The following MEGF8 variants were observed in gnomAD, a reference collection of about 807,000 sequenced individuals.
The protein encoded by MEGF8 is multiple epidermal growth factor-like domains protein 8.
MEGF8 carries 156 observed loss-of-function variants against 302.9 expected under a neutral mutation model. The observed-to-expected ratio is 0.52, with a 90% confidence interval of 0.45 to 0.59. The LOEUF (loss-of-function observed/expected upper bound fraction) is 0.59, where lower values mean the gene tolerates loss of function less well. Among genes scored for constraint, MEGF8 ranks in the 20% least tolerant of loss-of-function variants. The pLI is 0.00. For missense variants in MEGF8, 3,345 were observed against 3,964.5 expected (o/e 0.84, Z 4.20); for synonymous variants, 1,621 against 1,660.5 (o/e 0.98, Z 0.58).
At chr19:42,347,632 A>G (rs2039309941) in intron 12 of MEGF8, among the ~76,000 whole-genome samples, 1 of 152,094 alleles carries the variant, frequency 6.6e-6, no homozygotes, top group South Asian at 2.1e-4. Context: ...AGCTGGGATT[A>G]CAAGTGCACG....
At chr19:42,360,298 T>G (rs1046424930) in intron 31 of MEGF8, among the ~76,000 whole-genome samples, 6 of 152,008 alleles carry the variant, frequency 3.9e-5, no homozygotes, top group Non-Finnish European at 8.8e-5. Context: ...CCCTCTCTTT[T>G]TTTTTGCTTG....
At chr19:42,350,707 C>T (rs1348292054) in intron 15 of MEGF8, among the ~76,000 whole-genome samples, 1 of 152,188 alleles carries the variant, frequency 6.6e-6, no homozygotes, top group African/African-American at 2.4e-5. Flanking sequence ...CGACACCCTG[C>T]TTCCTCTTGT....
chr19:42,356,823 G>T lies in MEGF8; in HGVS notation c.4672G>T (p.Asp1558Tyr). ...GACACAGATGCTGGCGGGAGCCGAG[G>T]ACGGGGGCCCAGGCCCATCGCCCCG... ...RWTQMLAGAE[D>Y]GGPGPSPRSF... The change falls in exon 27 of 42, where the codon GAC becomes TAC. Residue 1558 changes from aspartate (D) to tyrosine (Y), a missense_variant. Transcript: ENST00000251268. The surrounding 1 kb of genome is among the most constrained non-coding windows in gnomAD (Gnocchi z 5.2). 1 of 1,559,544 alleles carries T rather than the reference G, an allele frequency of 6.4e-7. No homozygotes were observed. The highest frequency in any genetic ancestry group is 1.2e-5 in the South Asian group (1 of 84,724).
intron 13 of MEGF8, 81 bp from the exon 14 acceptor site, chr19:42,349,418 G>A: frequency 7.9e-7 from 1 of 1,268,630 alleles, no homozygotes; most frequent in South Asian, 1.4e-5. Flanking sequence ...GGGGTACAGG[G>A]TGGGTTTGGA....
In MEGF8 at chr19:42,354,650, G is replaced by A. The variant is rs372557198; in HGVS notation, c.4074G>A (p.Ser1358=). 133 of 1,612,536 alleles carry A rather than the reference G, an allele frequency of 8.2e-5. No homozygotes were observed. The highest frequency in any genetic ancestry group is 1.6e-4 in the Middle Eastern group (1 of 6,082). Residue 1358 remains serine, a synonymous_variant, in exon 23 of 42, where the codon TCG becomes TCA. Transcript: ENST00000251268. This position sits in a 1 kb window ranked among gnomAD's most constrained non-coding sequence, Gnocchi z 4.3. ...TCCTGGACACTGGTGTTGTCCAGTC[G>A]GACCGCAGCCTCATAGCTGCCTTCT... is the stretch of plus-strand genomic sequence containing the variant. ...PRFLDTGVVQ[S]DRSLIAAFCG... is the part of the protein sequence containing the mutation.
Position 42,358,699 on chromosome 19 carries a change from A to G in MEGF8, c.5176-88A>G, listed in dbSNP as rs2039487460. 2.1e-6 allele frequency: 3 copies of G among 1,424,506 alleles called. No homozygotes were observed. The highest frequency in any genetic ancestry group is 2.8e-6 in the Non-Finnish European group (3 of 1,075,916). The allele number at this position is 1,424,506 out of a possible 1,614,324, so 88.2% of individuals were successfully genotyped here. A position where few individuals can be genotyped will look rare whatever the true frequency, so the allele number is the denominator to read the frequency against. On this transcript the variant is annotated intron_variant, in intron 29 of 41. Transcript: ENST00000251268. The surrounding 1 kb of genome is among the most constrained non-coding windows in gnomAD (Gnocchi z 4.4). ...TTAGAGAGGCTGGTGGTTTCAGTCC[A>G]CACGTTTCCAAGCCCGTCTTGGAGG...
chr19:42,367,801 G>A (rs75099312), intron 35 of MEGF8, among the ~76,000 whole-genome samples: 2 of 152,196 alleles, frequency 1.3e-5, no homozygotes, highest in Admixed American at 1.3e-4. Flanking sequence ...TTTAGGGCAC[G>A]TGGTTCTCAT....
chr19:42,362,990 G>A (rs1202947917), intron 34 of MEGF8, 58 bp from the exon 35 acceptor site: 32 of 1,455,454 alleles, frequency 2.2e-5, no homozygotes, highest in Non-Finnish European at 2.9e-5. Context: ...TGAGGGAGGA[G>A]GGGCTGGGCT....
chr19:42,350,059 TG>T, intron 14 of MEGF8, 88 bp from the exon 15 acceptor site: 2 of 1,064,410 alleles, frequency 1.9e-6, no homozygotes, highest in African/African-American at 1.6e-5. Context: ...GTTCTCAACC[TG>T]GGCTCCAAAC....
chr19:42,361,985 A>G (rs931635301), intron 32 of MEGF8, 105 bp from the exon 33 acceptor site: 2 of 1,502,262 alleles, frequency 1.3e-6, no homozygotes, highest in African/African-American at 2.7e-5. Context: ...GGCCTGTGCT[A>G]TGTCCAGCTT....
At position 42,335,814 on chromosome 19, in the gene MEGF8, T is replaced by A. The variant is rs552858323; in HGVS notation, c.829-117T>A. On this transcript the variant is annotated intron_variant, in intron 5 of 41. Transcript: ENST00000251268. ...CTGCCGGTCTCTGCCTTTCTCTTTG[T>A]CTCTGTCTTTATCTCGCCTTCTCTC... is the stretch of plus-strand genomic sequence containing the variant. The A allele has an allele frequency of 1.2e-5, 12 of 974,634 alleles. No individual in the cohort carries two copies. In the South Asian group the frequency reaches 2.1e-4, roughly 17 times the overall value. 60.4% of individuals were successfully genotyped at this position (974,634 alleles called of 1,614,324 possible).
rs2039661314 is a variant in MEGF8 at position 42,369,867 on chromosome 19, G to A, written c.6834+144G>A. ...CCAGAGCCCTGTCCCAGGGAGATGTGTGGAGACTTGGGGGACGCTGCCTGG... is the reference window on the plus strand; with the variant it reads ...CCAGAGCCCTGTCCCAGGGAGATGTATGGAGACTTGGGGGACGCTGCCTGG... On this transcript the variant is annotated intron_variant, in intron 38 of 41. Transcript: ENST00000251268. This position sits in a 1 kb window ranked among gnomAD's most constrained non-coding sequence, Gnocchi z 5.7. The A allele has an allele frequency of 9.8e-7, 1 of 1,019,258 alleles. No individual in the cohort carries two copies. Among genetic ancestry groups the A allele is most frequent in the Non-Finnish European group, 1.4e-6 (1 of 714,048 alleles). The allele number at this position is 1,019,258 out of a possible 1,614,324, so 63.1% of individuals were successfully genotyped here.
chr19:42,364,540 CCAA>C (rs986529654), intron 35 of MEGF8, among the ~76,000 whole-genome samples: 3 of 152,122 alleles, frequency 2.0e-5, no homozygotes, highest in African/African-American at 7.2e-5. Context: ...ACTAAAGAAA[CCAA>C]CAGCACTTCG....
chr19:42,376,451 A>G lies in MEGF8; in HGVS notation c.8214A>G (p.Thr2738=). The G allele has an allele frequency of 6.2e-7, 1 of 1,610,844 alleles. No homozygotes were observed. The highest frequency in any genetic ancestry group is 2.2e-5 in the East Asian group (1 of 44,816). The change falls in exon 42 of 42, where the codon ACA becomes ACG. Residue 2738 remains threonine, a synonymous_variant. Transcript: ENST00000251268. The surrounding 1 kb of genome is among the most constrained non-coding windows in gnomAD (Gnocchi z 8.2). Reference sequence around the variant, plus strand: ...CCTTCCTGGCACCCCTGCTGCTGACAGGGGCCGGTGGGCCCTGGGGACCCA... The same window carrying G: ...CCTTCCTGGCACCCCTGCTGCTGACGGGGGCCGGTGGGCCCTGGGGACCCA... The part of the protein sequence containing the change: ...SEPFLAPLLL[T]GAGGPWGPMG...
Position 42,369,784 on chromosome 19 carries a change from C to A in MEGF8, c.6834+61C>A. On this transcript the variant is annotated intron_variant, in intron 38 of 41. Coordinates refer to ENST00000251268, the MANE Select transcript of MEGF8 (RefSeq NM_001271938.2). The surrounding 1 kb of genome is among the most constrained non-coding windows in gnomAD (Gnocchi z 5.7). The stretch of plus-strand genomic sequence containing the variant: ...GACCCAGGCCCTCACTTGCCTTCAT[C>A]CCACGCTCAGGCGGCTCGCATCTCA... The A allele has an allele frequency of 6.6e-7, 1 of 1,504,858 alleles. No individual in the cohort carries two copies. Among genetic ancestry groups the A allele is most frequent in the South Asian group, 1.2e-5 (1 of 81,528 alleles). The allele number at this position is 1,504,858 out of a possible 1,614,324, so 93.2% of individuals were successfully genotyped here.
Position 42,369,353 on chromosome 19 carries a change from A to T in MEGF8, c.6642-178A>T, listed in dbSNP as rs1242044559. Among the ~76,000 whole-genome samples, 1 of 152,062 alleles carries T rather than the reference A, an allele frequency of 6.6e-6. No homozygotes were observed. ...ATAGGGTACCCTCAAAAGAGGAGAG[A>T]GGGTTGTGGGCTACACCTGGAGGGG... is the stretch of plus-strand genomic sequence containing the variant. On this transcript the variant is annotated intron_variant, in intron 37 of 41. Transcript: ENST00000251268. The surrounding 1 kb of genome is among the most constrained non-coding windows in gnomAD (Gnocchi z 5.7).
Position 42,343,631 on chromosome 19 carries a change from CGTG to C in MEGF8, c.1668+1_1668+3del. 1 of 1,602,122 alleles carries C rather than the reference CGTG, an allele frequency of 6.2e-7. No homozygotes were observed. Among genetic ancestry groups the C allele is most frequent in the South Asian group, 1.1e-5 (1 of 89,762 alleles). On this transcript the variant is annotated splice_donor_variant and splice_donor_region_variant and intron_variant, in intron 9 of 41. Coordinates refer to ENST00000251268, the MANE Select transcript of MEGF8 (RefSeq NM_001271938.2). LOFTEE classifies it high-confidence loss of function. Reference sequence around the variant, plus strand: ...TTGTGTTCCAGGCACCTGCCCCTGACGTGAGCACTGGGGTGACAGGGAAAGGGT... The same window carrying C: ...TTGTGTTCCAGGCACCTGCCCCTGACAGCACTGGGGTGACAGGGAAAGGGT...
intron 7 of MEGF8, 26 bp from the exon 8 acceptor site, chr19:42,337,058 G>A (rs1367927512): frequency 1.2e-6 from 2 of 1,613,450 alleles, no homozygotes; most frequent in Non-Finnish European, 1.7e-6. Context: ...AGGCTTGCCA[G>A]CTATGCCCCT....
At position 42,376,932 on chromosome 19, in the gene MEGF8, T is replaced by C; in HGVS notation, c.*157T>C. ...CAGATGGGGCCTCCTTTGTTCTGCA[T>C]TCAGCAGCTATTTATCGAGTACCTA... On this transcript the variant is annotated 3_prime_UTR_variant, in exon 42 of 42. Transcript: ENST00000251268. The surrounding 1 kb of genome is among the most constrained non-coding windows in gnomAD (Gnocchi z 8.2). 1.4e-6 allele frequency: 1 copy of C among 710,882 alleles called. No individual in the cohort carries two copies. Among genetic ancestry groups the C allele is most frequent in the Non-Finnish European group, 2.1e-6 (1 of 481,120 alleles). 44.0% of individuals were successfully genotyped at this position (710,882 alleles called of 1,614,324 possible). A position where few individuals can be genotyped will look rare whatever the true frequency, so the allele number is the denominator to read the frequency against.
Sources: gnomAD v4.1 joint callset for allele counts (sites outside exome capture counted in the v4.1 genomes callset) on GRCh38, gnomAD v4.1.1 for gene constraint, Gnocchi (gnomAD v3.1) non-coding constraint, MANE v1.5 for transcripts, NCBI Gene and HGNC (gene_info 2026-07-23, HGNC 2026-07-21) for gene names.